Variants in TENM4 observed in about 807,000 individuals in gnomAD.
TENM4 encodes the protein teneurin-4.
A neutral mutation model predicts 243.3 loss-of-function variants in TENM4; 82 were observed. The observed-to-expected ratio is 0.34, with a 90% CI of 0.28 to 0.40. TENM4 has a LOEUF of 0.40. Ranked by LOEUF, TENM4 falls within the 10% of genes least tolerant of loss-of-function variation. TENM4 has a pLI of 1.00. For missense variants in TENM4, 3,138 were observed against 3,673.3 expected (o/e 0.85, Z 3.77); for synonymous variants, 1,412 against 1,456.3 (o/e 0.97, Z 0.69).
intron 4 of TENM4, among the ~76,000 whole-genome samples, chr11:79,105,352 T>C (rs1409244207): frequency 2.0e-5 from 3 of 152,206 alleles, no homozygotes; most frequent in African/African-American, 7.2e-5. Flanking sequence ...AACTACAGTT[T>C]GGAAACACAG....
At chr11:78,880,416 T>C (rs955841254) in intron 9 of TENM4, among the ~76,000 whole-genome samples, 2 of 131,026 alleles carry the variant, frequency 1.5e-5, no homozygotes, top group Admixed American at 1.6e-4. Flanking sequence ...CCCTGCCACA[T>C]CCCCCTCTCT....
In TENM4 at chr11:78,676,140, G is replaced by A. The variant is rs767971237; in HGVS notation, c.5496+12C>T. The A allele has an allele frequency of 7.1e-5, 106 of 1,495,734 alleles. No homozygotes were observed. The highest frequency in any genetic ancestry group is 9.4e-5 in the Non-Finnish European group (104 of 1,110,522). 92.7% of individuals were successfully genotyped at this position (1,495,734 alleles called of 1,614,324 possible). A position where few individuals can be genotyped will look rare whatever the true frequency, so the allele number is the denominator to read the frequency against. ...CCCCCAGGACGCAGCCACCTCCAGA[G>A]GCCTCGCTCACCCGCAGCCGGCGCC... On this transcript the variant is annotated intron_variant, in intron 30 of 33. Coordinates refer to ENST00000278550, the MANE Select transcript of TENM4 (RefSeq NM_001098816.3).
At chr11:79,327,525 C>T (rs970717422) in intron 1 of TENM4, among the ~76,000 whole-genome samples, 1 of 152,066 alleles carries the variant, frequency 6.6e-6, no homozygotes, top group Non-Finnish European at 1.5e-5. Flanking sequence ...GTGAGTTATG[C>T]AACACAGTGA....
At chr11:79,354,073 G>T (rs1857459039) in intron 1 of TENM4, among the ~76,000 whole-genome samples, 1 of 152,206 alleles carries the variant, frequency 6.6e-6, no homozygotes, top group Non-Finnish European at 1.5e-5. Context: ...TATTTTTGTT[G>T]TGACCTTGGT....
intron 28 of TENM4, among the ~76,000 whole-genome samples, chr11:78,690,183 C>G (rs142738416): frequency 6.6e-6 from 1 of 152,128 alleles, no homozygotes; most frequent in Admixed American, 6.5e-5. Context: ...TGGACTGCCT[C>G]GCAGAGCTAA....
At chr11:78,740,625 T>G (rs1373704804) in intron 19 of TENM4, among the ~76,000 whole-genome samples, 1 of 152,232 alleles carries the variant, frequency 6.6e-6, no homozygotes, top group Non-Finnish European at 1.5e-5. Flanking sequence ...CAATTGAATT[T>G]CGTATTGCTG....
intron 6 of TENM4, among the ~76,000 whole-genome samples, chr11:79,001,530 GGTT>G (rs1250981089): frequency 6.6e-6 from 1 of 152,166 alleles, no homozygotes; most frequent in East Asian, 1.9e-4. Flanking sequence ...TGCTTATAGA[GGTT>G]GTAGGAGCAG....
rs141855347 is a variant in TENM4 at position 78,914,148 on chromosome 11, T to C, written c.494-10625A>G. 5.2e-3 allele frequency among the ~76,000 whole-genome samples: 792 copies of C among 152,366 alleles called. 29 individuals carry two copies. Among genetic ancestry groups the C allele is most frequent in the Non-Finnish European group, 5.7e-3 (389 of 68,042 alleles). On this transcript the variant is annotated intron_variant, in intron 6 of 33. Coordinates refer to ENST00000278550, the MANE Select transcript of TENM4 (RefSeq NM_001098816.3). ...TCCCAGCCTTGCCTTTAACTCACTC[T>C]GTGACTTTGGGGAAGTCCCTTTCTT...
intron 2 of TENM4, among the ~76,000 whole-genome samples, chr11:79,292,408 T>A (rs1438857192): frequency 6.6e-6 from 1 of 152,244 alleles, no homozygotes; most frequent in East Asian, 1.9e-4. Flanking sequence ...TTGCCCCTAC[T>A]TGTGTCTTAC....
At chr11:79,085,225 A>T (rs937557613) in intron 4 of TENM4, among the ~76,000 whole-genome samples, 3 of 151,884 alleles carry the variant, frequency 2.0e-5, no homozygotes, top group Admixed American at 6.6e-5. Context: ...ACAAAAAAAA[A>T]AATTAGCGGG....
At chr11:78,869,335 T>A (rs1859065546) in intron 9 of TENM4, among the ~76,000 whole-genome samples, 1 of 152,236 alleles carries the variant, frequency 6.6e-6, no homozygotes, top group African/African-American at 2.4e-5. Flanking sequence ...ACTGCATCTC[T>A]GCAAAACCAT....
chr11:79,115,169 C>A (rs578176459), intron 4 of TENM4, among the ~76,000 whole-genome samples: 1 of 152,206 alleles, frequency 6.6e-6, no homozygotes, highest in African/African-American at 2.4e-5. Flanking sequence ...AGTGAATAAG[C>A]ACTTGGATGA....
chr11:79,401,190 C>T (rs1446337763), intron 1 of TENM4, among the ~76,000 whole-genome samples: 1 of 152,154 alleles, frequency 6.6e-6, no homozygotes, highest in Non-Finnish European at 1.5e-5. Context: ...TGCCTCCTTC[C>T]CTCCCTCTCT....
chr11:79,331,187 C>T (rs1374707462), intron 1 of TENM4, among the ~76,000 whole-genome samples: 1 of 152,086 alleles, frequency 6.6e-6, no homozygotes, highest in Non-Finnish European at 1.5e-5. Flanking sequence ...CGACTGTGTT[C>T]CCCTTGTGGA....
In TENM4 at chr11:78,712,538, T is replaced by A; in HGVS notation, c.3998A>T (p.Asp1333Val). ...GTGDQCLPFD[D>V]TRCGDGGKAT... ...CTTCCCACCATCCCCGCAGCGAGTG[T>A]CATCAAAGGGGAGGCACTGGTCACC... Residue 1333 changes from aspartate to valine, a missense_variant, in exon 26 of 34, where the codon GAC (aspartate) becomes GTC (valine). This residue lies in a region of TENM4 where 2,467 missense variants were observed against 3,059.1 expected (regional missense o/e 0.81). Coordinates refer to ENST00000278550, the MANE Select transcript of TENM4 (RefSeq NM_001098816.3). The A allele has an allele frequency of 6.2e-7, 1 of 1,613,956 alleles. No individual in the cohort carries two copies. The highest frequency in any genetic ancestry group is 8.5e-7 in the Non-Finnish European group (1 of 1,179,864).
chr11:78,940,118 C>G (rs1464724031), intron 6 of TENM4, among the ~76,000 whole-genome samples: 2 of 152,100 alleles, frequency 1.3e-5, no homozygotes, highest in Non-Finnish European at 2.9e-5. Flanking sequence ...ACATTTCCTC[C>G]TAGTCTTTTC....
chr11:79,054,337 C>G (rs1001990578), intron 6 of TENM4, among the ~76,000 whole-genome samples: 1 of 152,096 alleles, frequency 6.6e-6, no homozygotes, highest in Non-Finnish European at 1.5e-5. Flanking sequence ...ATCATGAGCC[C>G]CTGCCCAGAT....
intron 6 of TENM4, among the ~76,000 whole-genome samples, chr11:79,062,886 G>A (rs1482029597): frequency 1.3e-5 from 2 of 152,106 alleles, no homozygotes. Flanking sequence ...CAGGGTTGCT[G>A]GCTGGGTATG....
At chr11:79,066,684 G>C (rs541271313) in intron 5 of TENM4, among the ~76,000 whole-genome samples, 1 of 148,530 alleles carries the variant, frequency 6.7e-6, no homozygotes, top group Non-Finnish European at 1.5e-5. Flanking sequence ...ACACACGCAC[G>C]CATGCACACT....
Sources: allele counts gnomAD v4.1 joint callset (sites outside exome capture counted in the v4.1 genomes callset), GRCh38; gene constraint gnomAD v4.1.1; regional missense constraint gnomAD v4.1.1; transcripts MANE v1.5; gene names NCBI Gene and HGNC (gene_info 2026-07-23, HGNC 2026-07-21).